CTNNB1: variants seen among roughly 807,000 people sequenced by gnomAD.
The protein encoded by CTNNB1 is catenin beta 1.
In CTNNB1, 6 loss-of-function variants were observed where a neutral mutation model predicts 82.5. The ratio of observed to expected loss-of-function variants is 0.07; its 90% CI spans 0.04 to 0.14. The LOEUF is 0.14. Ranked by LOEUF, CTNNB1 falls within the 10% of genes least tolerant of loss-of-function variation. CTNNB1 has a pLI of 1.00. For missense variants in CTNNB1, 529 were observed against 980.4 expected (o/e 0.54, Z 6.15); for synonymous variants, 312 against 329.7 (o/e 0.95, Z 0.58).
chr3:41,214,085 A>T (rs2077859853), intron 1 of CTNNB1, among the ~76,000 whole-genome samples: 1 of 152,122 alleles, frequency 6.6e-6, no homozygotes, highest in Non-Finnish European at 1.5e-5. Context: ...GCTAGTGGTT[A>T]CTCTGTCCAG....
chr3:41,205,010 A>G (rs1246581697), intron 1 of CTNNB1, among the ~76,000 whole-genome samples: 3 of 152,206 alleles, frequency 2.0e-5, no homozygotes, highest in African/African-American at 7.2e-5. Context: ...TAAAGTTAGG[A>G]ATTAAGATGG....
intron 1 of CTNNB1, chr3:41,221,869 C>A (rs1469705202): frequency 1.3e-5 from 2 of 152,052 alleles, no homozygotes; most frequent in African/African-American, 2.4e-5. Context: ...CTGAATTGAT[C>A]GTGATTTCTT....
At chr3:41,206,944 G>A (rs1258017696) in intron 1 of CTNNB1, among the ~76,000 whole-genome samples, 1 of 152,166 alleles carries the variant, frequency 6.6e-6, no homozygotes. Context: ...TTTAGGAAAC[G>A]TAATACACTG....
intron 1 of CTNNB1, among the ~76,000 whole-genome samples, chr3:41,216,369 T>C (rs1244695339): frequency 6.6e-6 from 1 of 152,272 alleles, no homozygotes; most frequent in Non-Finnish European, 1.5e-5. Flanking sequence ...CTAGTGACTT[T>C]GTAATGCAGT....
In CTNNB1 at chr3:41,238,087, C is replaced by T; in HGVS notation, c.2137+11C>T. 1 of 1,611,256 alleles carries T rather than the reference C, an allele frequency of 6.2e-7. No homozygotes were observed. The highest frequency in any genetic ancestry group is 8.5e-7 in the Non-Finnish European group (1 of 1,177,426). ...GATATCGCCAGGATGGTATGTGTCT[C>T]ATATTTCTCGATTAACTCCAGATCA... is the stretch of plus-strand genomic sequence containing the variant. On this transcript the variant is annotated intron_variant, in intron 14 of 14. Transcript: ENST00000349496.
chr3:41,223,583 G>T (rs906106811), intron 1 of CTNNB1, among the ~76,000 whole-genome samples: 5 of 152,138 alleles, frequency 3.3e-5, no homozygotes, highest in African/African-American at 1.2e-4. Context: ...TAAAGAAAAT[G>T]TGGAGTTTTT....
chr3:41,224,317 A>G, intron 2 of CTNNB1: 1 of 694,302 alleles, frequency 1.4e-6, no homozygotes, highest in Non-Finnish European at 2.5e-6. Flanking sequence ...TCTTCCACTG[A>G]TTCAGTGAGT....
intron 1 of CTNNB1, among the ~76,000 whole-genome samples, chr3:41,207,445 T>G (rs2077674442): frequency 6.6e-6 from 1 of 152,158 alleles, no homozygotes; most frequent in Non-Finnish European, 1.5e-5. Context: ...ATACCTTCCC[T>G]TTTCTCCTGA....
intron 1 of CTNNB1, chr3:41,210,981 C>T: frequency 2.2e-6 from 1 of 455,002 alleles, no homozygotes; most frequent in South Asian, 1.6e-5. Context: ...TTTGTAGAGA[C>T]AGGGTCTCAC....
intron 7 of CTNNB1, among the ~76,000 whole-genome samples, chr3:41,229,714 T>C (rs1211171001): frequency 2.0e-5 from 3 of 152,328 alleles, no homozygotes; most frequent in South Asian, 4.1e-4. Flanking sequence ...TTTGCCCTGA[T>C]ATTCTGTATT....
intron 1 of CTNNB1, among the ~76,000 whole-genome samples, chr3:41,217,567 T>C (rs2077943119): frequency 1.3e-5 from 2 of 152,236 alleles, no homozygotes; most frequent in African/African-American, 2.4e-5. Flanking sequence ...CTTGGCATGC[T>C]TCTGACAGTA....
In CTNNB1 at chr3:41,209,963, CTT is replaced by C. The variant is rs1343123761; in HGVS notation, c.-49+10298_-49+10299del. ...TACATTTTTGTAAGGTTTTAAAAGA[CTT>C]TTTTCTATAATAAACCTTAAATTAC... On this transcript the variant is annotated intron_variant, in intron 1 of 14. Transcript: ENST00000349496. Among the ~76,000 whole-genome samples, 41 of 152,156 alleles carry C rather than the reference CTT, an allele frequency of 2.7e-4. No homozygotes were observed. In the South Asian group the frequency reaches 3.1e-3, roughly 12 times the overall value.
rs1279474153 is a variant in CTNNB1 at position 41,224,067 on chromosome 3, C to A, written c.-2C>A. 2 of 1,613,674 alleles carry A rather than the reference C, an allele frequency of 1.2e-6. No homozygotes were observed. Among genetic ancestry groups the A allele is most frequent in the African/African-American group, 1.3e-5 (1 of 74,904 alleles). On this transcript the variant is annotated 5_prime_UTR_variant, in exon 2 of 15. Coordinates refer to ENST00000349496, the MANE Select transcript of CTNNB1 (RefSeq NM_001904.4). ...AACTGTTTTGAAAATCCAGCGTGGA[C>A]AATGGCTACTCAAGGTTTGTGTCAT...
chr3:41,229,551 G>A (rs755214226), intron 7 of CTNNB1, among the ~76,000 whole-genome samples: 1 of 152,118 alleles, frequency 6.6e-6, no homozygotes, highest in Non-Finnish European at 1.5e-5. Flanking sequence ...TTTGTACATT[G>A]ATTTTTATAT....
chr3:41,212,826 C>T (rs1165626081), intron 1 of CTNNB1, among the ~76,000 whole-genome samples: 1 of 152,162 alleles, frequency 6.6e-6, no homozygotes, highest in East Asian at 1.9e-4. Context: ...TAATTTTTCT[C>T]ATCTACTATA....
At chr3:41,227,474 C>A in intron 7 of CTNNB1, 122 bp downstream of exon 7, 1 of 1,030,890 alleles carries the variant, frequency 9.7e-7, no homozygotes, top group Non-Finnish European at 1.5e-6. Flanking sequence ...ATTCAGTTTG[C>A]AGCCAAGATT....
chr3:41,201,713 G>A (rs1329570986), intron 1 of CTNNB1, among the ~76,000 whole-genome samples: 1 of 151,826 alleles, frequency 6.6e-6, no homozygotes, highest in Non-Finnish European at 1.5e-5. Context: ...AAAAAATAAG[G>A]TGGCTAATTA....
At chr3:41,210,690 CAGA>C (rs1184675506) in intron 1 of CTNNB1, among the ~76,000 whole-genome samples, 1 of 151,662 alleles carries the variant, frequency 6.6e-6, no homozygotes, top group African/African-American at 2.4e-5. Flanking sequence ...TAAGAAGTAA[CAGA>C]AGGAGTACAC....
At chr3:41,233,959 A>G (rs2078370780) in intron 9 of CTNNB1, 92 bp downstream of exon 9, 1 of 1,458,106 alleles carries the variant, frequency 6.9e-7, no homozygotes, top group East Asian at 2.3e-5. Flanking sequence ...AGTGATCAAT[A>G]AGTAGGAATT....
Sources: gnomAD v4.1 joint callset for allele counts (sites outside exome capture counted in the v4.1 genomes callset) on GRCh38, gnomAD v4.1.1 for gene constraint, MANE v1.5 for transcripts, NCBI Gene and HGNC (gene_info 2026-07-23, HGNC 2026-07-21) for gene names.